Variants in FGF12 observed in about 807,000 individuals in gnomAD.
FGF12 encodes fibroblast growth factor 12.
Under a neutral mutation model 23.6 loss-of-function variants are expected in FGF12, and 14 were observed. That is an observed-to-expected ratio of 0.59 (90% CI 0.39 to 0.93). FGF12 has a LOEUF of 0.93. Among genes scored for constraint, FGF12 ranks in the 40% least tolerant of loss-of-function variants. The pLI, the probability that FGF12 is intolerant of heterozygous loss-of-function variation, is 0.00. For synonymous variants in FGF12, 62 were observed against 77.3 expected, an observed-to-expected ratio of 0.80 and a Z score of 1.04; for missense variants, 175 against 217.8, an observed-to-expected ratio of 0.80 and a Z score of 1.24.
chr3:192,632,801 A>C (rs774379461), intron 2 of FGF12, among the ~76,000 whole-genome samples: 1 of 152,146 alleles, frequency 6.6e-6, no homozygotes, highest in Non-Finnish European at 1.5e-5. Context: ...GCACCTTAAA[A>C]CAACAGAAAT....
At chr3:192,202,215 C>T (rs1404647865) in intron 4 of FGF12, among the ~76,000 whole-genome samples, 1 of 152,000 alleles carries the variant, frequency 6.6e-6, no homozygotes, top group Non-Finnish European at 1.5e-5. Flanking sequence ...ATGAAGGAAA[C>T]AGCAAAAGAA....
intron 4 of FGF12, among the ~76,000 whole-genome samples, chr3:192,264,146 G>GCA (rs1712930781): frequency 6.6e-6 from 1 of 151,916 alleles, no homozygotes; most frequent in Admixed American, 6.6e-5. Context: ...TAAAAATTTG[G>GCA]CAGAGTATTC....
chr3:192,637,765 G>A (rs753260225), intron 2 of FGF12, among the ~76,000 whole-genome samples: 46 of 152,192 alleles, frequency 3.0e-4, no homozygotes, highest in Admixed American at 3.9e-4. Flanking sequence ...AATAATAAAT[G>A]AGGGTTCTTG....
chr3:192,243,961 T>C (rs1470203589), intron 4 of FGF12, among the ~76,000 whole-genome samples: 1 of 152,128 alleles, frequency 6.6e-6, no homozygotes, highest in Non-Finnish European at 1.5e-5. Context: ...CTATTGGCTA[T>C]TCTCCTACAA....
chr3:192,399,269 G>A (rs1412480316), intron 2 of FGF12, among the ~76,000 whole-genome samples: 2 of 152,044 alleles, frequency 1.3e-5, no homozygotes, highest in African/African-American at 4.8e-5. Context: ...CTCATGAATG[G>A]GATTAGTGGT....
intron 3 of FGF12, among the ~76,000 whole-genome samples, chr3:192,346,174 A>T (rs1164526236): frequency 1.3e-5 from 2 of 152,178 alleles, no homozygotes; most frequent in Admixed American, 1.3e-4. Context: ...CATTTTACTC[A>T]TTGCTCAATA....
At chr3:192,352,440 C>G (rs1249306258) in intron 3 of FGF12, among the ~76,000 whole-genome samples, 1 of 152,242 alleles carries the variant, frequency 6.6e-6, no homozygotes, top group Admixed American at 6.5e-5. Flanking sequence ...ATGTGTATTT[C>G]TAACAAGTTC....
At chr3:192,632,036 C>T (rs557763364) in intron 2 of FGF12, among the ~76,000 whole-genome samples, 23 of 152,266 alleles carry the variant, frequency 1.5e-4, no homozygotes, top group African/African-American at 3.4e-4. Flanking sequence ...AGGAGAGCAA[C>T]GCAAACAAAT....
chr3:192,619,523 T>C (rs1283970941), intron 2 of FGF12, among the ~76,000 whole-genome samples: 1 of 152,118 alleles, frequency 6.6e-6, no homozygotes, highest in Non-Finnish European at 1.5e-5. Context: ...ACATTTGGTA[T>C]CATAGCCATG....
chr3:192,263,057 C>G (rs1712861779), intron 4 of FGF12, among the ~76,000 whole-genome samples: 1 of 152,032 alleles, frequency 6.6e-6, no homozygotes. Flanking sequence ...CATAAACACT[C>G]TGATTCTCTG....
intron 5 of FGF12, among the ~76,000 whole-genome samples, chr3:192,156,224 TC>T (rs1714408086): frequency 6.6e-6 from 1 of 152,162 alleles, no homozygotes; most frequent in African/African-American, 2.4e-5. Flanking sequence ...AAACAGAAAC[TC>T]CCTATCTTTC....
intron 2 of FGF12, among the ~76,000 whole-genome samples, chr3:192,580,061 G>C (rs144459512): frequency 0.015 from 2,270 of 152,310 alleles, 48 homozygotes; most frequent in Non-Finnish European, 0.019. Context: ...CAATCTGGGA[G>C]GGAGGCAGAC....
chr3:192,709,138 A>G (rs979905761), intron 2 of FGF12, among the ~76,000 whole-genome samples: 4 of 152,220 alleles, frequency 2.6e-5, no homozygotes, highest in African/African-American at 4.8e-5. Context: ...TCAAAAATAT[A>G]TTGCAAAATG....
intron 4 of FGF12, chr3:192,268,638 C>T (rs749441409): frequency 2.1e-5 from 9 of 429,286 alleles, no homozygotes; most frequent in South Asian, 1.3e-4. Context: ...CCTGATTTTG[C>T]CATGTGACAT....
intron 2 of FGF12, among the ~76,000 whole-genome samples, chr3:192,375,969 T>G (rs1719474549): frequency 6.6e-6 from 1 of 152,220 alleles, no homozygotes; most frequent in Non-Finnish European, 1.5e-5. Flanking sequence ...TAATGTGATT[T>G]TATAACATTA....
At chr3:192,455,340 T>C (rs1722648301) in intron 2 of FGF12, among the ~76,000 whole-genome samples, 4 of 152,154 alleles carry the variant, frequency 2.6e-5, no homozygotes, top group East Asian at 1.9e-4. Flanking sequence ...GACAAGAAGA[T>C]TGAAACTCTT....
At chr3:192,359,620 A>G (rs1718628081) in intron 3 of FGF12, among the ~76,000 whole-genome samples, 1 of 152,184 alleles carries the variant, frequency 6.6e-6, no homozygotes, top group Admixed American at 6.5e-5. Context: ...TATGACAGCT[A>G]TCAATCTTGC....
chr3:192,439,905 G>A (rs1374787849), intron 2 of FGF12, among the ~76,000 whole-genome samples: 1 of 151,730 alleles, frequency 6.6e-6, no homozygotes, highest in Non-Finnish European at 1.5e-5. Context: ...GAACCCGGGA[G>A]GCAGAGGCTG....
At chr3:192,636,378 TAGAC>T (rs1435223849) in intron 2 of FGF12, among the ~76,000 whole-genome samples, 1 of 152,224 alleles carries the variant, frequency 6.6e-6, no homozygotes, top group Non-Finnish European at 1.5e-5. Context: ...GCCACTATAT[TAGAC>T]AGCCCAGACA....
Sources: allele counts gnomAD v4.1 joint callset (sites outside exome capture counted in the v4.1 genomes callset), GRCh38; gene constraint gnomAD v4.1.1; transcripts MANE v1.5; gene names NCBI Gene and HGNC (gene_info 2026-07-23, HGNC 2026-07-21).